Variants in CALCR observed in about 807,000 individuals in gnomAD.
CALCR encodes the protein calcitonin receptor.
Under a neutral mutation model 59.5 loss-of-function variants are expected in CALCR, and 47 were observed. That is an observed-to-expected ratio of 0.79 (90% CI 0.63 to 1.01). The LOEUF is 1.01. CALCR is among the 50% of genes least tolerant of loss of function. The pLI, the probability that CALCR is intolerant of heterozygous loss-of-function variation, is 0.00. For synonymous variants in CALCR, 213 were observed against 211.3 expected, an observed-to-expected ratio of 1.01 and a Z score of -0.07; for missense variants, 566 against 597.1, an observed-to-expected ratio of 0.95 and a Z score of 0.54.
chr7:93,479,537 T>C (rs369480777), intron 3 of CALCR, 30 bp from the exon 4 acceptor site: 2 of 1,595,200 alleles, frequency 1.3e-6, no homozygotes, highest in Non-Finnish European at 8.5e-7. Flanking sequence ...CAGTTACTTA[T>C]AGACAGGAGG....
Position 93,494,733 on chromosome 7 carries a change from A to C in CALCR, c.-26-7726T>G, listed in dbSNP as rs79911523. Among the ~76,000 whole-genome samples, 778 of 151,524 alleles carry C rather than the reference A, an allele frequency of 5.1e-3. 4 individuals carry two copies. The highest frequency in any genetic ancestry group is 7.7e-3 in the Non-Finnish European group (521 of 67,574). On this transcript the variant is annotated intron_variant, in intron 2 of 13. Transcript: ENST00000426151. ...TGACTCCTGAGGAGGGGAGAAGAAA[A>C]CATATACAGGTAGAGCTGTGAAGAA...
At chr7:93,497,864 G>T (rs1054271934) in intron 2 of CALCR, among the ~76,000 whole-genome samples, 3 of 151,500 alleles carry the variant, frequency 2.0e-5, no homozygotes, top group African/African-American at 7.3e-5. Context: ...CTGCCTAGAA[G>T]TTCAAAGACC....
chr7:93,433,829 C>T (rs956786153), intron 13 of CALCR, among the ~76,000 whole-genome samples: 2 of 152,112 alleles, frequency 1.3e-5, no homozygotes, highest in African/African-American at 2.4e-5. Flanking sequence ...ATTTTCAAAA[C>T]GCTGAGTAAG....
rs900701405 is a variant in CALCR at position 93,425,215 on chromosome 7, T to A, written c.*1141A>T. On this transcript the variant is annotated 3_prime_UTR_variant, in exon 14 of 14. Transcript: ENST00000426151. The stretch of plus-strand genomic sequence containing the variant: ...CGTTAAACATGAATTGATTTATGGT[T>A]AAATTTGGAGCAGTTAATTTTTTCC... The A allele has an allele frequency of 2.6e-5, 4 of 152,614 alleles. No individual in the cohort carries two copies. The highest frequency in any genetic ancestry group is 5.9e-5 in the Non-Finnish European group (4 of 68,028). 9.5% of individuals were successfully genotyped at this position (152,614 alleles called of 1,614,324 possible).
chr7:93,523,781 T>C (rs561072314), intron 2 of CALCR, among the ~76,000 whole-genome samples: 2 of 152,258 alleles, frequency 1.3e-5, no homozygotes, highest in East Asian at 3.9e-4. Flanking sequence ...TTCGGGTCAA[T>C]ATAAAGAAGT....
chr7:93,564,373 T>A (rs1789812246), intron 2 of CALCR, among the ~76,000 whole-genome samples: 1 of 152,098 alleles, frequency 6.6e-6, no homozygotes. Flanking sequence ...CATGCTTAAG[T>A]TTAGTATAAA....
At chr7:93,567,826 G>A (rs1789901664) in intron 2 of CALCR, among the ~76,000 whole-genome samples, 1 of 152,006 alleles carries the variant, frequency 6.6e-6, no homozygotes, top group Non-Finnish European at 1.5e-5. Context: ...TGCTGAGAAT[G>A]ATGGTTTCCA....
chr7:93,541,091 C>G (rs1185465434), intron 2 of CALCR, among the ~76,000 whole-genome samples: 1 of 152,114 alleles, frequency 6.6e-6, no homozygotes, highest in Non-Finnish European at 1.5e-5. Flanking sequence ...ATGCACTCCA[C>G]TGGGCTGAAC....
chr7:93,492,693 T>C (rs1454175628), intron 2 of CALCR, among the ~76,000 whole-genome samples: 2 of 151,404 alleles, frequency 1.3e-5, no homozygotes, highest in African/African-American at 2.4e-5. Context: ...GTATAAATGA[T>C]ATAAGATGTG....
In CALCR at chr7:93,477,232, T is replaced by C. The variant is rs17788132; in HGVS notation, c.316+326A>G. On this transcript the variant is annotated intron_variant, in intron 5 of 13. Coordinates refer to ENST00000426151, the MANE Select transcript of CALCR (RefSeq NM_001742.4). ...ATCTGGGTCTCCTTCATAATTAAGA[T>C]TTCTACCCCTTTTTCAGTGAGACAA... Among the ~76,000 whole-genome samples the C allele has an allele frequency of 0.18, 27,450 of 151,840 alleles. 3,289 individuals are homozygous for C. Among genetic ancestry groups the C allele is most frequent in the Non-Finnish European group, 0.26 (17,330 of 67,830 alleles).
intron 4 of CALCR, among the ~76,000 whole-genome samples, chr7:93,478,605 G>C (rs6465382): frequency 0.53 from 80,190 of 150,478 alleles, 21,588 homozygotes; most frequent in East Asian, 0.69. Flanking sequence ...TGGGAGGATC[G>C]TCCTGGGCGA....
At chr7:93,505,105 C>A (rs1801398830) in intron 2 of CALCR, among the ~76,000 whole-genome samples, 1 of 151,898 alleles carries the variant, frequency 6.6e-6, no homozygotes, top group African/African-American at 2.4e-5. Context: ...CTGAAAAAGG[C>A]CTGCAATTCA....
chr7:93,460,697 G>A (rs10269949), intron 8 of CALCR, 124 bp downstream of exon 8: 4 of 567,140 alleles, frequency 7.1e-6, no homozygotes, highest in East Asian at 3.6e-5. Context: ...AAAACTCGAC[G>A]GTAGAAGTAA....
chr7:93,459,777 T>TGACAACTG (rs1248955906), intron 8 of CALCR, among the ~76,000 whole-genome samples: 7 of 152,172 alleles, frequency 4.6e-5, no homozygotes, highest in African/African-American at 9.6e-5. Flanking sequence ...ATATGGGTTA[T>TGACAACTG]TCTGAACAAC....
chr7:93,552,042 G>A lies in CALCR; in HGVS notation c.-27+22247C>T, dbSNP rs1307128441. Among the ~76,000 whole-genome samples the A allele has an allele frequency of 2.0e-5, 3 of 152,188 alleles. No individual in the cohort carries two copies. The East Asian group carries it at 5.8e-4, about 29-fold the overall frequency. Reference sequence around the variant, plus strand: ...AGAATGTGCAGAGCATGTCGACCTCGTGGCTACAAAGATACACACTAAAAC... The same window carrying A: ...AGAATGTGCAGAGCATGTCGACCTCATGGCTACAAAGATACACACTAAAAC... On this transcript the variant is annotated intron_variant, in intron 2 of 13. Transcript: ENST00000426151.
At chr7:93,516,877 G>A (rs1335567851) in intron 2 of CALCR, among the ~76,000 whole-genome samples, 2 of 151,808 alleles carry the variant, frequency 1.3e-5, no homozygotes, top group Non-Finnish European at 2.9e-5. Context: ...CGGGTTTTTA[G>A]GAGACCACTT....
chr7:93,506,675 G>C lies in CALCR; in HGVS notation c.-26-19668C>G, dbSNP rs117967580. ...TTTTTTTTTTTTGGCTTCACTTGGT[G>C]GTTGTGGGGCATAAGACCAGCAGAT... On this transcript the variant is annotated intron_variant, in intron 2 of 13. Transcript: ENST00000426151. Among the ~76,000 whole-genome samples, 1,205 of 150,734 alleles carry C rather than the reference G, an allele frequency of 8.0e-3. 6 individuals carry two copies. The highest frequency in any genetic ancestry group is 0.011 in the Non-Finnish European group (768 of 67,792).
intron 8 of CALCR, among the ~76,000 whole-genome samples, chr7:93,457,180 T>C (rs1309882020): frequency 6.6e-6 from 1 of 152,152 alleles, no homozygotes; most frequent in Non-Finnish European, 1.5e-5. Flanking sequence ...AAAAGTCAAG[T>C]ACAGAGACCT....
Position 93,482,707 on chromosome 7 carries a change from T to C in CALCR, c.52-3200A>G, listed in dbSNP as rs555228351. Reference sequence around the variant, plus strand: ...AATGCAGTTTTAACATCAGTAACAGTGGAAATACGACAATCTGTATACGAG... The same window carrying C: ...AATGCAGTTTTAACATCAGTAACAGCGGAAATACGACAATCTGTATACGAG... On this transcript the variant is annotated intron_variant, in intron 3 of 13. Transcript: ENST00000426151. 526 of 508,062 alleles carry C rather than the reference T, an allele frequency of 1.0e-3. 6 individuals are homozygous for C. Among genetic ancestry groups the C allele is most frequent in the South Asian group, 7.5e-3 (513 of 67,988 alleles). 31.5% of individuals were successfully genotyped at this position (508,062 alleles called of 1,614,324 possible). A position where few individuals can be genotyped will look rare whatever the true frequency, so the allele number is the denominator to read the frequency against.
Sources: allele counts gnomAD v4.1 joint callset (sites outside exome capture counted in the v4.1 genomes callset), GRCh38; gene constraint gnomAD v4.1.1; transcripts MANE v1.5; gene names NCBI Gene and HGNC (gene_info 2026-07-23, HGNC 2026-07-21).